CBFA2T3: variants seen among roughly 807,000 people sequenced by gnomAD.
CBFA2T3 encodes the protein transcriptional corepressor CBFA2T3.
Under a neutral mutation model 58.6 loss-of-function variants are expected in CBFA2T3, and 31 were observed. The observed-to-expected ratio is 0.53, with a 90% confidence interval of 0.40 to 0.71. The LOEUF (loss-of-function observed/expected upper bound fraction) is 0.71. CBFA2T3 is among the 30% of genes least tolerant of loss of function. The probability of loss-of-function intolerance (pLI) is 0.00; values close to 1 mark genes in which losing one functional copy is unlikely to be tolerated. For synonymous variants in CBFA2T3, 531 were observed against 421.9 expected (o/e 1.26, Z -3.17); for missense variants, 1,076 against 963.1 (o/e 1.12, Z -1.55).
rs563061034 is a variant in CBFA2T3, at chr16:88,905,478, T to C, written c.152-3822A>G. Among the ~76,000 whole-genome samples, 61 of 152,044 alleles carry C rather than the reference T, an allele frequency of 4.0e-4. 1 individual carries two copies. In the South Asian group the frequency reaches 4.8e-3, roughly 12 times the overall value. On this transcript the variant is annotated intron_variant, in intron 1 of 11. Transcript: ENST00000268679. Reference sequence around the variant, plus strand: ...ACACTGGGCGGTCCTGCCTCTTGTTTGACCTGTTTGCAGGGTCTCTGTGCT... The same window carrying C: ...ACACTGGGCGGTCCTGCCTCTTGTTCGACCTGTTTGCAGGGTCTCTGTGCT...
intron 1 of CBFA2T3, among the ~76,000 whole-genome samples, 168 bp from the exon 2 acceptor site, chr16:88,901,824 G>A (rs572395287): frequency 1.7e-4 from 26 of 152,142 alleles, no homozygotes; most frequent in African/African-American, 6.0e-4. Flanking sequence ...GCAGGATCAC[G>A]GGGGCAGAAC....
At chr16:88,964,800 A>T (rs183459576) in intron 1 of CBFA2T3, among the ~76,000 whole-genome samples, 1 of 148,146 alleles carries the variant, frequency 6.8e-6, no homozygotes, top group East Asian at 2.0e-4. Context: ...CCATCTATCC[A>T]TCCAGTCACC....
In CBFA2T3 at chr16:88,881,313, G is replaced by C. The variant is rs369233901; in HGVS notation, c.1380C>G (p.Ala460=). The part of the protein sequence containing the change: ...PAAARPRSSS[A]GPEGPQLDVP... ...CACCTAGCTGAGGCCCTTCGGGACC[G>C]GCGGAGCTGCTGCGGGGCCGGGCCG... Residue 460 remains alanine, a synonymous_variant, in exon 9 of 12, where the codon GCC becomes GCG. Transcript: ENST00000268679. The C allele has an allele frequency of 2.5e-6, 4 of 1,589,846 alleles. No homozygotes were observed. Among genetic ancestry groups the C allele is most frequent in the South Asian group, 2.2e-5 (2 of 89,148 alleles).
chr16:88,884,741 A>G (rs1969287638), intron 7 of CBFA2T3: 3 of 311,918 alleles, frequency 9.6e-6, no homozygotes, highest in Admixed American at 9.8e-5. Context: ...TGAGAAGCAG[A>G]GAGCCACGTG....
chr16:88,973,018 T>A (rs1972693571), intron 1 of CBFA2T3, among the ~76,000 whole-genome samples: 1 of 152,172 alleles, frequency 6.6e-6, no homozygotes, highest in Admixed American at 6.5e-5. Context: ...ACAGACACCC[T>A]GGCCGAGCTC....
intron 1 of CBFA2T3, among the ~76,000 whole-genome samples, chr16:88,914,963 C>T (rs541181051): frequency 2.8e-5 from 4 of 143,970 alleles, no homozygotes; most frequent in South Asian, 4.9e-4. Flanking sequence ...CTGGGCCGCC[C>T]GCTGCCGGGG....
intron 1 of CBFA2T3, among the ~76,000 whole-genome samples, chr16:88,965,982 G>A (rs575748950): frequency 3.3e-5 from 5 of 152,214 alleles, no homozygotes; most frequent in Non-Finnish European, 7.3e-5. Flanking sequence ...GGGAGGGGAC[G>A]GGGGCCCATT....
rs556479167 is a variant in CBFA2T3, at chr16:88,921,403, G to C, written c.152-19747C>G. ...GCCCCACCCCAGCTTGGCAGGATCG[G>C]AAATGTGTCTGGCTGGTGACGGATG... On this transcript the variant is annotated intron_variant, in intron 1 of 11. Coordinates refer to ENST00000268679, the MANE Select transcript of CBFA2T3 (RefSeq NM_005187.6). 3.8e-3 allele frequency among the ~76,000 whole-genome samples: 586 copies of C among 152,362 alleles called. 15 individuals are homozygous for C. The highest frequency in any genetic ancestry group is 7.9e-4 in the Non-Finnish European group (54 of 68,030).
intron 1 of CBFA2T3, among the ~76,000 whole-genome samples, chr16:88,935,332 C>T (rs1390485124): frequency 1.3e-5 from 2 of 152,154 alleles, no homozygotes; most frequent in Non-Finnish European, 2.9e-5. Context: ...GGGAGGGGCC[C>T]GGCAATCCCC....
intron 1 of CBFA2T3, among the ~76,000 whole-genome samples, chr16:88,967,175 CG>C: frequency 8.4e-6 from 1 of 119,478 alleles, no homozygotes; most frequent in Non-Finnish European, 1.9e-5. Context: ...CCCCAGCCCC[CG>C]AGGTGCCACT....
chr16:88,920,196 C>A (rs1970865977), intron 1 of CBFA2T3, among the ~76,000 whole-genome samples: 2 of 152,234 alleles, frequency 1.3e-5, no homozygotes, highest in African/African-American at 4.8e-5. Context: ...GTTCTAGGCC[C>A]ATGCACTGAC....
intron 1 of CBFA2T3, among the ~76,000 whole-genome samples, chr16:88,905,333 C>T (rs574697184): frequency 2.6e-5 from 4 of 151,426 alleles, no homozygotes; most frequent in Admixed American, 2.6e-4. Context: ...CCATGCACGA[C>T]CCCCCACCGC....
intron 3 of CBFA2T3, among the ~76,000 whole-genome samples, chr16:88,896,656 C>G (rs1055656031): frequency 2.8e-4 from 42 of 152,192 alleles, no homozygotes; most frequent in Admixed American, 1.3e-4. Flanking sequence ...GGAGATGGCC[C>G]GTCACCATGG....
intron 1 of CBFA2T3, among the ~76,000 whole-genome samples, chr16:88,947,310 C>T (rs915634595): frequency 2.0e-5 from 3 of 152,208 alleles, no homozygotes; most frequent in African/African-American, 7.2e-5. Flanking sequence ...ATATCAATGA[C>T]ATTTTATTTG....
At chr16:88,888,035 T>A (rs963390315) in intron 5 of CBFA2T3, among the ~76,000 whole-genome samples, 1 of 152,170 alleles carries the variant, frequency 6.6e-6, no homozygotes, top group African/African-American at 2.4e-5. Context: ...ACCCTTGCTG[T>A]ATCTGCAAAC....
intron 1 of CBFA2T3, among the ~76,000 whole-genome samples, chr16:88,934,715 C>T (rs1468594082): frequency 6.6e-6 from 1 of 152,246 alleles, no homozygotes; most frequent in African/African-American, 2.4e-5. Context: ...GCCCTGCCCT[C>T]TTCCACCCCC....
chr16:88,915,238 G>A (rs867173191), intron 1 of CBFA2T3, among the ~76,000 whole-genome samples: 2 of 103,008 alleles, frequency 1.9e-5, no homozygotes, highest in Non-Finnish European at 4.1e-5. Context: ...GGGGTGGGGA[G>A]GAGATGGGGC....
intron 1 of CBFA2T3, among the ~76,000 whole-genome samples, chr16:88,930,476 G>A (rs1374500867): frequency 6.6e-6 from 1 of 152,010 alleles, no homozygotes. Context: ...CACACAAAAC[G>A]TGGTCTTTCT....
At chr16:88,881,613 G>A (rs1969085657) in intron 8 of CBFA2T3, 124 bp from the exon 9 acceptor site, 3 of 978,394 alleles carry the variant, frequency 3.1e-6, no homozygotes, top group East Asian at 2.6e-5. Flanking sequence ...GCCCGTGAGA[G>A]TAAGGGGGTG....
Sources: allele counts gnomAD v4.1 joint callset (sites outside exome capture counted in the v4.1 genomes callset), GRCh38; gene constraint gnomAD v4.1.1; transcripts MANE v1.5; gene names NCBI Gene and HGNC (gene_info 2026-07-23, HGNC 2026-07-21).